The following ABHD2 variants were observed in gnomAD, a reference collection of about 807,000 sequenced individuals.
The protein encoded by ABHD2 is monoacylglycerol lipase ABHD2.
A neutral mutation model predicts 48.1 loss-of-function variants in ABHD2; 20 were observed. The ratio of observed to expected loss-of-function variants is 0.42; its 90% CI spans 0.29 to 0.60. ABHD2 has a LOEUF of 0.60. ABHD2 is among the 20% of genes least tolerant of loss of function. The pLI, the probability that ABHD2 is intolerant of heterozygous loss-of-function variation, is 0.24. For missense variants in ABHD2, 405 were observed against 550.9 expected (o/e 0.74, Z 2.65); for synonymous variants, 209 against 214.2 (o/e 0.98, Z 0.21).
chr15:89,172,354 A>C (rs2050944052), intron 5 of ABHD2, among the ~76,000 whole-genome samples: 1 of 152,268 alleles, frequency 6.6e-6, no homozygotes, highest in Non-Finnish European at 1.5e-5. Flanking sequence ...GGTATGTCAC[A>C]TAAGTAGGAT....
rs2051463640 is a variant in ABHD2, at chr15:89,201,349, C to A, written c.*5926C>A. ...AAGCACTGTGTGGTTGTGGCGTGGG[C>A]CCGTCTTGCTTAGATGCATTCAGTG... On this transcript the variant is annotated 3_prime_UTR_variant, in exon 11 of 11. Coordinates refer to ENST00000352732, the MANE Select transcript of ABHD2 (RefSeq NM_152924.5). The A allele has an allele frequency of 3.9e-6, 4 of 1,038,136 alleles. No homozygotes were observed. The South Asian group carries it at 5.3e-5, about 14-fold the overall frequency. The allele number at this position is 1,038,136 out of a possible 1,614,324, so 64.3% of individuals were successfully genotyped here.
rs1216692341 is a variant in ABHD2 at position 89,184,903 on chromosome 15, G to T, written c.723-521G>T. On this transcript the variant is annotated intron_variant, in intron 6 of 10. Transcript: ENST00000352732. This position sits in a 1 kb window ranked among gnomAD's most constrained non-coding sequence, Gnocchi z 5.1. ...TTCCTTGCCTCTTCAATGGTATAAG[G>T]CTAATCAAAAGATAGATGTATTTGG... is the stretch of plus-strand genomic sequence containing the variant. Among the ~76,000 whole-genome samples the T allele has an allele frequency of 6.6e-6, 1 of 152,154 alleles. No homozygotes were observed. The highest frequency in any genetic ancestry group is 1.5e-5 in the Non-Finnish European group (1 of 68,044).
At chr15:89,067,213 A>G in the ABHD2 span, among the ~76,000 whole-genome samples, 394 of 152,358 alleles carry the variant, frequency 2.6e-3, 1 homozygote, top group Non-Finnish European at 3.3e-3. Context: ...GGAAGCCCAC[A>G]CTATTTATTG....
At position 89,198,055 on chromosome 15, in the gene ABHD2, G is replaced by C. The variant is rs925240115; in HGVS notation, c.*2632G>C. 6.6e-6 allele frequency: 1 copy of C among 152,212 alleles called. No individual in the cohort carries two copies. Among genetic ancestry groups the C allele is most frequent in the Non-Finnish European group, 1.5e-5 (1 of 68,030 alleles). 9.4% of individuals were successfully genotyped at this position (152,212 alleles called of 1,614,324 possible). ...ATAAATGAGGGAGTGGCAGTTTATAGATAGGTCATCTTTTTTCCTTCCTCC... is the reference window on the plus strand; with the variant it reads ...ATAAATGAGGGAGTGGCAGTTTATACATAGGTCATCTTTTTTCCTTCCTCC... On this transcript the variant is annotated 3_prime_UTR_variant, in exon 11 of 11. Coordinates refer to ENST00000352732, the MANE Select transcript of ABHD2 (RefSeq NM_152924.5). The surrounding 1 kb of genome is among the most constrained non-coding windows in gnomAD (Gnocchi z 5.1).
At position 89,092,006 on chromosome 15, in the gene ABHD2, G is replaced by A. The variant is rs891383685; in HGVS notation, c.-107+3443G>A. ...CATGAGTAGGACATTTTTAAGCCCT[G>A]TGCTGCTGTTTCTTTGTTGATACCA... On this transcript the variant is annotated intron_variant, in intron 1 of 10. Coordinates refer to ENST00000352732, the MANE Select transcript of ABHD2 (RefSeq NM_152924.5). This position sits in a 1 kb window ranked among gnomAD's most constrained non-coding sequence, Gnocchi z 4.4. Among the ~76,000 whole-genome samples the A allele has an allele frequency of 6.6e-6, 1 of 152,204 alleles. No individual in the cohort carries two copies. The highest frequency in any genetic ancestry group is 1.9e-4 in the East Asian group (1 of 5,200).
chr15:89,195,317 C>G lies in ABHD2; in HGVS notation c.1172C>G (p.Thr391Arg). Residue 391 changes from threonine (T) to arginine (R), a missense_variant, in exon 11 of 11, where the codon ACA (threonine) becomes AGA (arginine). Transcript: ENST00000352732. The surrounding 1 kb of genome is among the most constrained non-coding windows in gnomAD (Gnocchi z 5.1). ...EGSVLFPEPL[T>R]WMDKLVVEYA... ...TCTGTGCTGTTCCCCGAGCCCCTGA[C>G]ATGGATGGATAAGCTGGTGGTGGAG... The G allele has an allele frequency of 6.2e-7, 1 of 1,614,238 alleles. No homozygotes were observed. The highest frequency in any genetic ancestry group is 8.5e-7 in the Non-Finnish European group (1 of 1,180,034).
Position 89,168,345 on chromosome 15 carries a change from A to G in ABHD2, c.539-7467A>G, listed in dbSNP as rs571329381. 2.6e-5 allele frequency among the ~76,000 whole-genome samples: 4 copies of G among 152,350 alleles called. No homozygotes were observed. The highest frequency in any genetic ancestry group is 7.2e-5 in the African/African-American group (3 of 41,594). Reference sequence around the variant, plus strand: ...TATATAGTTACCTAGTGCTAATCCCATAAGAATTAAATACATAGAGCCTCA... The same window carrying G: ...TATATAGTTACCTAGTGCTAATCCCGTAAGAATTAAATACATAGAGCCTCA... On this transcript the variant is annotated intron_variant, in intron 5 of 10. Transcript: ENST00000352732. This position sits in a 1 kb window ranked among gnomAD's most constrained non-coding sequence, Gnocchi z 4.8.
the ABHD2 span, among the ~76,000 whole-genome samples, chr15:89,064,368 T>C: frequency 1.3e-5 from 2 of 151,980 alleles, no homozygotes; most frequent in Non-Finnish European, 2.9e-5. Context: ...TACAGACATG[T>C]GCTACCACGC....
the ABHD2 span, among the ~76,000 whole-genome samples, chr15:89,046,590 A>G: frequency 6.6e-6 from 1 of 152,006 alleles, no homozygotes; most frequent in African/African-American, 2.4e-5. Flanking sequence ...TTATTGGTCT[A>G]TTCAGAGATT....
In ABHD2 at chr15:89,114,692, AGG is replaced by A. The variant is rs1386964384; in HGVS notation, c.-7+870_-7+871del. ...GAGACAGGATTTCACCATGTTGGCC[AGG>A]GCTGGTCTCGAACTCCTGAGCTCAA... On this transcript the variant is annotated intron_variant, in intron 2 of 10. Coordinates refer to ENST00000352732, the MANE Select transcript of ABHD2 (RefSeq NM_152924.5). This position sits in a 1 kb window ranked among gnomAD's most constrained non-coding sequence, Gnocchi z 4.2. Among the ~76,000 whole-genome samples the A allele has an allele frequency of 1.3e-5, 2 of 152,064 alleles. No individual in the cohort carries two copies. Among genetic ancestry groups the A allele is most frequent in the South Asian group, 4.1e-4 (2 of 4,826 alleles).
chr15:89,119,501 A>G (rs1453115054), intron 3 of ABHD2, among the ~76,000 whole-genome samples: 11 of 152,182 alleles, frequency 7.2e-5, no homozygotes, highest in South Asian at 2.1e-4. Context: ...AGTACCTTTC[A>G]TAGACGTTAT....
the ABHD2 span, among the ~76,000 whole-genome samples, chr15:89,073,854 T>C: frequency 2.0e-5 from 3 of 152,184 alleles, no homozygotes; most frequent in African/African-American, 7.2e-5. Flanking sequence ...TTAAACCGCA[T>C]TGCTGGCCCC....
chr15:89,073,061 A>G, the ABHD2 span, among the ~76,000 whole-genome samples: 2 of 152,212 alleles, frequency 1.3e-5, no homozygotes, highest in African/African-American at 2.4e-5. Context: ...CTGAAATTCA[A>G]ATTTAACTAG....
rs1416214714 is a variant in ABHD2, at chr15:89,179,872, C to G, written c.722+3877C>G. On this transcript the variant is annotated intron_variant, in intron 6 of 10. Coordinates refer to ENST00000352732, the MANE Select transcript of ABHD2 (RefSeq NM_152924.5). The surrounding 1 kb of genome is among the most constrained non-coding windows in gnomAD (Gnocchi z 4.3). ...CCTTGGTTCAGGTAAACCTGAACAT[C>G]CTAGCATTCTTTGAGCAAGGCCTTC... Among the ~76,000 whole-genome samples, 3 of 152,178 alleles carry G rather than the reference C, an allele frequency of 2.0e-5. No homozygotes were observed. Among genetic ancestry groups the G allele is most frequent in the Non-Finnish European group, 4.4e-5 (3 of 68,008 alleles).
At position 89,127,215 on chromosome 15, in the gene ABHD2, A is replaced by T. The variant is rs1392013362; in HGVS notation, c.194+10694A>T. ...ATTGTGGCAGCTTGTGAACCACCCT[A>T]ACTCTACCTGCTGTCAGTTTCTAAT... On this transcript the variant is annotated intron_variant, in intron 3 of 10. Transcript: ENST00000352732. Among the ~76,000 whole-genome samples, 5 of 152,170 alleles carry T rather than the reference A, an allele frequency of 3.3e-5. No homozygotes were observed. The East Asian group carries it at 9.7e-4, about 30-fold the overall frequency.
At chr15:89,064,275 A>G in the ABHD2 span, among the ~76,000 whole-genome samples, 2 of 137,906 alleles carry the variant, frequency 1.5e-5, no homozygotes, top group Admixed American at 8.0e-5. Context: ...GCTGGAGTGC[A>G]GTGGTGCGAT....
chr15:89,111,263 G>A (rs2049870257), intron 1 of ABHD2, among the ~76,000 whole-genome samples: 1 of 152,028 alleles, frequency 6.6e-6, no homozygotes, highest in African/African-American at 2.4e-5. Flanking sequence ...TTGGGAAATA[G>A]AAAAAAAGAA....
At position 89,202,185 on chromosome 15, in the gene ABHD2, AT is replaced by A. The variant is rs1488094219; in HGVS notation, c.*6764del. On this transcript the variant is annotated 3_prime_UTR_variant, in exon 11 of 11. Transcript: ENST00000352732. ...TCTAAATATGGGGATATTTACCTTT[AT>A]TAAGAAATTATACTAAACATTGATG... The A allele has an allele frequency of 3.1e-5, 5 of 163,834 alleles. No homozygotes were observed. Among genetic ancestry groups the A allele is most frequent in the African/African-American group, 1.2e-4 (5 of 41,568 alleles). The allele number at this position is 163,834 out of a possible 1,614,324, so 10.1% of individuals were successfully genotyped here.
rs2051257476 is a variant in ABHD2, at chr15:89,188,867, A to G, written c.926+564A>G. Among the ~76,000 whole-genome samples, 1 of 148,594 alleles carries G rather than the reference A, an allele frequency of 6.7e-6. No homozygotes were observed. Among genetic ancestry groups the G allele is most frequent in the Admixed American group, 6.7e-5 (1 of 14,890 alleles). ...GCACTCCAGCCAGGGTGACACAGCA[A>G]GACCCTTCTCAAAATTAAAAAAAAA... On this transcript the variant is annotated intron_variant, in intron 8 of 10. Coordinates refer to ENST00000352732, the MANE Select transcript of ABHD2 (RefSeq NM_152924.5). This position sits in a 1 kb window ranked among gnomAD's most constrained non-coding sequence, Gnocchi z 4.1.
Sources: gnomAD v4.1 joint callset for allele counts (sites outside exome capture counted in the v4.1 genomes callset) on GRCh38, gnomAD v4.1.1 for gene constraint, Gnocchi (gnomAD v3.1) non-coding constraint, MANE v1.5 for transcripts, NCBI Gene and HGNC (gene_info 2026-07-23, HGNC 2026-07-21) for gene names.